TENM1: variants seen among roughly 807,000 people sequenced by gnomAD.
The protein encoded by TENM1 is teneurin-1.
Under a neutral mutation model 174.8 loss-of-function variants are expected in TENM1, and 35 were observed. The observed-to-expected ratio is 0.20, with a 90% CI of 0.15 to 0.27. The LOEUF (loss-of-function observed/expected upper bound fraction) is 0.27. TENM1 is among the 10% of genes least tolerant of loss of function. The pLI is 1.00. For synonymous variants in TENM1, 781 were observed against 798.7 expected (o/e 0.98, Z 0.37); for missense variants, 1,633 against 2,130.1 (o/e 0.77, Z 4.59).
At chrX:125,077,351 G>T in the TENM1 span, among the ~76,000 whole-genome samples, 1 of 110,625 alleles carries the variant, frequency 9.0e-6, no homozygotes, top group Non-Finnish European at 1.9e-5. Context: ...GAGCTCCATG[G>T]GTTGATTTTT....
At chrX:124,771,042 T>C (rs1206231696) in intron 3 of TENM1, among the ~76,000 whole-genome samples, 3 of 112,227 alleles carry the variant, frequency 2.7e-5, no homozygotes, top group Non-Finnish European at 3.8e-5. Flanking sequence ...TCTAGTTCTA[T>C]ATGTATAGTT....
the TENM1 span, among the ~76,000 whole-genome samples, chrX:125,128,553 G>A: frequency 9.0e-6 from 1 of 111,361 alleles, no homozygotes; most frequent in Admixed American, 9.6e-5. Flanking sequence ...AAACGGTCAC[G>A]TGGCACTGCT....
intron 1 of TENM1, among the ~76,000 whole-genome samples, chrX:124,938,915 G>A (rs865782262): frequency 9.0e-6 from 1 of 111,536 alleles, no homozygotes; most frequent in Non-Finnish European, 1.9e-5. Context: ...TTCAGTCCAA[G>A]CTGGCTGGCT....
chrX:124,959,875 G>A (rs1276414929), intron 1 of TENM1, among the ~76,000 whole-genome samples: 1 of 111,438 alleles, frequency 9.0e-6, no homozygotes, highest in African/African-American at 3.3e-5. Context: ...TCTTGAGTGT[G>A]TCTCTTCATC....
At chrX:124,716,407 A>T (rs1461109376) in intron 4 of TENM1, among the ~76,000 whole-genome samples, 1 of 112,001 alleles carries the variant, frequency 8.9e-6, no homozygotes, top group African/African-American at 3.2e-5. Flanking sequence ...TGACACTTCA[A>T]GGCTTGACCC....
Position 124,733,414 on chromosome X carries a change from C to A in TENM1, c.776+3543G>T, listed in dbSNP as rs898010667. Among the ~76,000 whole-genome samples the A allele has an allele frequency of 3.6e-5, 4 of 112,000 alleles. No homozygotes were observed. In the Admixed American group the frequency reaches 3.8e-4, roughly 11 times the overall value. ...CACTTAGTAGGGATAGTAATGTTAC[C>A]TTTTAATTGTGTAGTGCTTTACAGT... On this transcript the variant is annotated intron_variant, in intron 4 of 31. Transcript: ENST00000422452.
the TENM1 span, among the ~76,000 whole-genome samples, chrX:124,975,305 A>AACAATAGC: frequency 1.8e-5 from 2 of 111,671 alleles, no homozygotes; most frequent in African/African-American, 3.2e-5. Flanking sequence ...TTTAGAGAAG[A>AACAATAGC]ACAATAGCTG....
intron 27 of TENM1, among the ~76,000 whole-genome samples, chrX:124,396,966 G>A (rs2060342288): frequency 9.5e-6 from 1 of 104,843 alleles, no homozygotes; most frequent in Admixed American, 9.7e-5. Context: ...TAAGAAAACT[G>A]TTTGGTAATA....
the TENM1 span, among the ~76,000 whole-genome samples, chrX:125,119,434 T>C: frequency 4.1e-5 from 4 of 97,415 alleles, no homozygotes; most frequent in Non-Finnish European, 7.9e-5. Context: ...CAAAAAACAA[T>C]TCTTGTTATT....
chrX:125,047,590 T>C, the TENM1 span, among the ~76,000 whole-genome samples: 7 of 111,561 alleles, frequency 6.3e-5, no homozygotes, highest in Non-Finnish European at 1.3e-4. Context: ...CACATTAGTA[T>C]GTGCACTGTG....
chrX:124,885,597 G>A (rs2057370189), intron 3 of TENM1, among the ~76,000 whole-genome samples: 1 of 110,683 alleles, frequency 9.0e-6, no homozygotes, highest in African/African-American at 3.3e-5. Context: ...AAGGACACAT[G>A]ATGCACGGAA....
chrX:125,089,260 C>A, the TENM1 span, among the ~76,000 whole-genome samples: 1 of 111,578 alleles, frequency 9.0e-6, no homozygotes, highest in Non-Finnish European at 1.9e-5. Context: ...TTGGTAAAAC[C>A]AATTATTTTG....
intron 1 of TENM1, among the ~76,000 whole-genome samples, chrX:124,934,549 C>T (rs969230836): frequency 8.9e-6 from 1 of 111,788 alleles, no homozygotes; most frequent in Non-Finnish European, 1.9e-5. Flanking sequence ...TATGTTCTCT[C>T]CTTTTGTATT....
At chrX:124,897,867 C>G (rs2057589703) in intron 1 of TENM1, among the ~76,000 whole-genome samples, 1 of 112,296 alleles carries the variant, frequency 8.9e-6, no homozygotes, top group Admixed American at 9.4e-5. Flanking sequence ...CATGCTTCTT[C>G]CTGCCATAAG....
intron 5 of TENM1, among the ~76,000 whole-genome samples, chrX:124,673,580 T>G (rs757595038): frequency 3.6e-5 from 4 of 111,683 alleles, no homozygotes; most frequent in African/African-American, 9.7e-5. Flanking sequence ...TTGCAATAAT[T>G]TAGGAAAGAA....
At chrX:124,469,372 C>T (rs750440240) in intron 22 of TENM1, among the ~76,000 whole-genome samples, 25 of 111,868 alleles carry the variant, frequency 2.2e-4, no homozygotes, top group African/African-American at 7.8e-4. Flanking sequence ...TCATTTCATC[C>T]TCTATAAACC....
intron 2 of TENM1, 37 bp downstream of exon 5, chrX:124,895,944 T>G: frequency 8.4e-7 from 1 of 1,197,552 alleles, no homozygotes; most frequent in Non-Finnish European, 1.1e-6. Context: ...CTGCATTCTT[T>G]CTGTGTTTTA....
intron 3 of TENM1, among the ~76,000 whole-genome samples, chrX:124,785,335 A>G (rs1317815420): frequency 1.8e-5 from 2 of 111,707 alleles, no homozygotes; most frequent in Non-Finnish European, 3.8e-5. Context: ...AGAATTTATC[A>G]TTGTTATCCT....
intron 6 of TENM1, among the ~76,000 whole-genome samples, chrX:124,662,791 A>G (rs1233999555): frequency 8.9e-6 from 1 of 111,917 alleles, no homozygotes; most frequent in Non-Finnish European, 1.9e-5. Flanking sequence ...AAGCCTGTTA[A>G]TCACCTAACC....
Sources: allele counts gnomAD v4.1 joint callset (sites outside exome capture counted in the v4.1 genomes callset), GRCh38; gene constraint gnomAD v4.1.1; transcripts MANE v1.5; gene names NCBI Gene and HGNC (gene_info 2026-07-23, HGNC 2026-07-21).